PCDHA11: variants seen among roughly 807,000 people sequenced by gnomAD.
PCDHA11 encodes protocadherin alpha 11.
A neutral mutation model predicts 70.3 loss-of-function variants in PCDHA11; 61 were observed. The observed-to-expected ratio is 0.87, with a 90% CI of 0.71 to 1.07. The LOEUF is 1.07. Among genes scored for constraint, PCDHA11 ranks in the 50% least tolerant of loss-of-function variants. The pLI is 0.00. For synonymous variants in PCDHA11, 633 were observed against 555.1 expected (o/e 1.14, Z -1.97); for missense variants, 1,324 against 1,237.5 (o/e 1.07, Z -1.05).
chr5:140,991,981 T>TACC (rs1311484629), intron 3 of PCDHA11, among the ~76,000 whole-genome samples: 8 of 152,126 alleles, frequency 5.3e-5, no homozygotes, highest in Admixed American at 2.0e-4. Flanking sequence ...TTATTCTGCC[T>TACC]ACCACCCGGT....
intron 3 of PCDHA11, among the ~76,000 whole-genome samples, chr5:140,991,619 A>G (rs1554252338): frequency 1.3e-5 from 2 of 152,206 alleles, no homozygotes; most frequent in African/African-American, 4.8e-5. Context: ...CTTTAATGCC[A>G]TATTTGTAAT....
chr5:140,954,316 C>T (rs1406547197), intron 1 of PCDHA11, among the ~76,000 whole-genome samples: 6 of 152,140 alleles, frequency 3.9e-5, no homozygotes, highest in South Asian at 4.1e-4. Context: ...GGGATTGCTG[C>T]GTCAAATGGT....
At chr5:140,945,243 A>G (rs1554216829) in intron 1 of PCDHA11, among the ~76,000 whole-genome samples, 1 of 152,166 alleles carries the variant, frequency 6.6e-6, no homozygotes, top group Admixed American at 6.5e-5. Flanking sequence ...AATTTAACCA[A>G]GAGGATGAAA....
At chr5:140,898,211 A>G (rs1554187859) in intron 1 of PCDHA11, among the ~76,000 whole-genome samples, 2 of 152,100 alleles carry the variant, frequency 1.3e-5, no homozygotes, top group African/African-American at 4.8e-5. Context: ...CCATTTGTCA[A>G]TTTTGGCTTT....
intron 1 of PCDHA11, among the ~76,000 whole-genome samples, chr5:140,946,629 T>TATATATATATATATATATATATATATAC (rs1367833800): frequency 2.4e-5 from 3 of 123,274 alleles, no homozygotes; most frequent in Non-Finnish European, 3.6e-5. Context: ...TATATATATA[T>TATATATATATATATATATATATATATAC]ATACAATGGA....
chr5:140,989,132 C>T (rs943262599), intron 3 of PCDHA11: 2 of 152,216 alleles, frequency 1.3e-5, no homozygotes, highest in Admixed American at 1.3e-4. Context: ...AAATAAGACA[C>T]TTTATCCCTT....
At chr5:140,979,109 G>A (rs979649515) in intron 2 of PCDHA11, 102 bp downstream of exon 2, 1 of 1,524,682 alleles carries the variant, frequency 6.6e-7, no homozygotes, top group Admixed American at 2.3e-5. Context: ...AAACTAAAAA[G>A]CTTTAGGTAC....
intron 1 of PCDHA11, among the ~76,000 whole-genome samples, chr5:140,895,900 G>A (rs540029399): frequency 1.3e-3 from 196 of 152,038 alleles, no homozygotes; most frequent in African/African-American, 4.6e-3. Context: ...CAACCTCCGC[G>A]TCCCGGGCTC....
intron 1 of PCDHA11, among the ~76,000 whole-genome samples, chr5:140,872,775 A>G (rs2053889520): frequency 1.3e-5 from 2 of 152,182 alleles, no homozygotes; most frequent in Non-Finnish European, 1.5e-5. Context: ...TATATTATCT[A>G]TAATATATGC....
rs975637071 is a variant in PCDHA11 at position 141,011,970 on chromosome 5, C to A, written c.*2033C>A. On this transcript the variant is annotated 3_prime_UTR_variant, in exon 4 of 4. Transcript: ENST00000398640. ...AGCATTAAATTTAAAAAAAAACTGTCTTGTCTACTTTTAGCTTCATTCTCC... is the reference window on the plus strand; with the variant it reads ...AGCATTAAATTTAAAAAAAAACTGTATTGTCTACTTTTAGCTTCATTCTCC... 6.5e-6 allele frequency: 1 copy of A among 153,576 alleles called. No individual in the cohort carries two copies. The highest frequency in any genetic ancestry group is 6.6e-5 in the Admixed American group (1 of 15,252). The allele number at this position is 153,576 out of a possible 1,614,324, so 9.5% of individuals were successfully genotyped here. A position where few individuals can be genotyped will look rare whatever the true frequency, so the allele number is the denominator to read the frequency against.
intron 1 of PCDHA11, among the ~76,000 whole-genome samples, chr5:140,872,375 C>A (rs2053630195): frequency 6.6e-6 from 1 of 152,002 alleles, no homozygotes; most frequent in Admixed American, 6.6e-5. Flanking sequence ...GCCTGTAATC[C>A]CAGCTATTTG....
chr5:140,887,649 T>C (rs2061527192), intron 1 of PCDHA11, among the ~76,000 whole-genome samples: 1 of 152,162 alleles, frequency 6.6e-6, no homozygotes, highest in South Asian at 2.1e-4. Context: ...TTTGTTGATA[T>C]TCTTGGATCT....
chr5:140,907,298 A>G (rs138771358), intron 1 of PCDHA11, among the ~76,000 whole-genome samples: 4 of 152,162 alleles, frequency 2.6e-5, no homozygotes, highest in Non-Finnish European at 4.4e-5. Flanking sequence ...CTGCTTCAGG[A>G]TGATGGGGAA....
intron 3 of PCDHA11, among the ~76,000 whole-genome samples, chr5:141,004,852 GA>G (rs1474938614): frequency 6.6e-6 from 1 of 152,202 alleles, no homozygotes; most frequent in African/African-American, 2.4e-5. Flanking sequence ...TAGTCTCAGA[GA>G]AAAAATTTGT....
intron 1 of PCDHA11, among the ~76,000 whole-genome samples, chr5:140,942,620 A>T (rs1304224304): frequency 1.4e-4 from 4 of 28,710 alleles, no homozygotes; most frequent in Admixed American, 3.3e-4. Context: ...TGCCAATTGT[A>T]AAAAAAAAAA....
intron 1 of PCDHA11, among the ~76,000 whole-genome samples, chr5:140,878,324 A>C (rs1298317950): frequency 4.6e-5 from 7 of 152,210 alleles, no homozygotes; most frequent in Admixed American, 1.3e-4. Context: ...TTTTCACATT[A>C]TATTCCAGGT....
rs371906545 is a variant in PCDHA11, at chr5:140,875,244, A to C, written c.2391+3750A>C. 9 of 951,720 alleles carry C rather than the reference A, an allele frequency of 9.5e-6. No homozygotes were observed. The East Asian group carries it at 2.2e-4, about 24-fold the overall frequency. The allele number at this position is 951,720 out of a possible 1,614,324, so 59.0% of individuals were successfully genotyped here. A position where few individuals can be genotyped will look rare whatever the true frequency, so the allele number is the denominator to read the frequency against. ...TCAGGATCTTTCTTGTACTTACATA[A>C]TCAGTCACATGATGTCGCTCTACAC... On this transcript the variant is annotated intron_variant, in intron 1 of 3. Transcript: ENST00000398640.
chr5:140,982,354 A>G, intron 2 of PCDHA11, 121 bp from the exon 3 acceptor site: 2 of 1,512,522 alleles, frequency 1.3e-6, no homozygotes, highest in East Asian at 2.4e-5. Flanking sequence ...CAGTTCAAGC[A>G]TGAGCAGAAT....
At chr5:140,941,217 T>TCCTTTCTTTCTTTCTTTCTTTCTG (rs2092892388) in intron 1 of PCDHA11, among the ~76,000 whole-genome samples, 1 of 126,078 alleles carries the variant, frequency 7.9e-6, no homozygotes, top group Non-Finnish European at 1.7e-5. Context: ...CTTTCTTCCT[T>TCCTTTCTTTCTTTCTTTCTTTCTG]TCTTTCTTTC....
Sources: gnomAD v4.1 joint callset for allele counts (sites outside exome capture counted in the v4.1 genomes callset) on GRCh38, gnomAD v4.1.1 for gene constraint, MANE v1.5 for transcripts, NCBI Gene and HGNC (gene_info 2026-07-23, HGNC 2026-07-21) for gene names.